ULK4: variants seen among roughly 807,000 people sequenced by gnomAD.
ULK4 encodes inactive serine/threonine-protein kinase ULK4.
Under a neutral mutation model 160.6 loss-of-function variants are expected in ULK4, and 133 were observed. That is an observed-to-expected ratio of 0.83 (90% CI 0.72 to 0.96). ULK4 has a LOEUF of 0.96. Among genes scored for constraint, ULK4 ranks in the 40% least tolerant of loss-of-function variants. The pLI, the probability that ULK4 is intolerant of heterozygous loss-of-function variation, is 0.00. For synonymous variants in ULK4, 534 were observed against 539.8 expected, an observed-to-expected ratio of 0.99 and a Z score of 0.15; for missense variants, 1,580 against 1,499.5, an observed-to-expected ratio of 1.05 and a Z score of -0.89.
chr3:41,949,329 CACACACAA>C (rs1175695108), intron 2 of ULK4, among the ~76,000 whole-genome samples: 2 of 151,916 alleles, frequency 1.3e-5, no homozygotes, highest in Non-Finnish European at 2.9e-5. Context: ...CACACACACA[CACACACAA>C]AAAGTAAAGT....
At chr3:41,261,570 T>C (rs956507133) in intron 35 of ULK4, among the ~76,000 whole-genome samples, 4 of 152,212 alleles carry the variant, frequency 2.6e-5, no homozygotes, top group Admixed American at 1.3e-4. Flanking sequence ...CTAGCCCCAC[T>C]GCCTACATGT....
At chr3:41,311,450 C>T (rs900216542) in intron 35 of ULK4, among the ~76,000 whole-genome samples, 36 of 152,190 alleles carry the variant, frequency 2.4e-4, no homozygotes, top group African/African-American at 7.2e-4. Context: ...TCCTGCCCTC[C>T]AACATCGGAC....
At chr3:41,826,087 T>C (rs926721137) in intron 18 of ULK4, among the ~76,000 whole-genome samples, 4 of 152,084 alleles carry the variant, frequency 2.6e-5, no homozygotes, top group South Asian at 4.1e-4. Context: ...AGAAATAAAA[T>C]ACTTTACAGA....
intron 35 of ULK4, among the ~76,000 whole-genome samples, chr3:41,324,752 C>A (rs767276662): frequency 3.3e-5 from 5 of 152,298 alleles, no homozygotes; most frequent in African/African-American, 1.2e-4. Context: ...GGGCCTCCAC[C>A]TGCCAGCATT....
chr3:41,325,446 T>C (rs1376475211), intron 35 of ULK4, among the ~76,000 whole-genome samples: 1 of 152,238 alleles, frequency 6.6e-6, no homozygotes, highest in Non-Finnish European at 1.5e-5. Context: ...TTCATGCTGT[T>C]ATGTGATAAA....
At chr3:41,603,272 T>C (rs2032205764) in intron 31 of ULK4, among the ~76,000 whole-genome samples, 1 of 152,054 alleles carries the variant, frequency 6.6e-6, no homozygotes, top group Non-Finnish European at 1.5e-5. Context: ...TCATTTTGAT[T>C]CCATTCACCA....
chr3:41,856,351 T>C (rs1447293528), intron 17 of ULK4, among the ~76,000 whole-genome samples: 1 of 151,404 alleles, frequency 6.6e-6, no homozygotes, highest in Non-Finnish European at 1.5e-5. Context: ...AGCTTGGGGC[T>C]ACAAAGAAGC....
chr3:41,732,676 A>C (rs1373668201), intron 22 of ULK4, among the ~76,000 whole-genome samples: 1 of 152,194 alleles, frequency 6.6e-6, no homozygotes. Context: ...TCCCATGTTT[A>C]CTGCAGCACT....
At chr3:41,807,053 A>G (rs946348679) in intron 19 of ULK4, among the ~76,000 whole-genome samples, 4 of 152,014 alleles carry the variant, frequency 2.6e-5, no homozygotes, top group Non-Finnish European at 5.9e-5. Flanking sequence ...GCTTGATCCC[A>G]GGAGGCAGAG....
chr3:41,416,560 A>C (rs998389623), intron 34 of ULK4, among the ~76,000 whole-genome samples: 2 of 152,228 alleles, frequency 1.3e-5, no homozygotes. Context: ...TTTACAACAG[A>C]AAAATGATCA....
At position 41,588,370 on chromosome 3, in the gene ULK4, T is replaced by C. The variant is rs73830278; in HGVS notation, c.3121-22240A>G. 3.4e-3 allele frequency among the ~76,000 whole-genome samples: 512 copies of C among 152,344 alleles called. 3 individuals are homozygous for C. The highest frequency in any genetic ancestry group is 0.012 in the African/African-American group (487 of 41,590). ...TTCAAAATTACATTCAATTCAAAGA[T>C]AAAACGATTATGCTTTGAATTTTCA... On this transcript the variant is annotated intron_variant, in intron 31 of 36. Transcript: ENST00000301831.
At chr3:41,449,054 A>G (rs1483284390) in intron 34 of ULK4, among the ~76,000 whole-genome samples, 1 of 151,900 alleles carries the variant, frequency 6.6e-6, no homozygotes, top group Non-Finnish European at 1.5e-5. Context: ...AGTAGTTGGG[A>G]CTACAGGCAT....
At chr3:41,260,482 G>A (rs1575364174) in intron 35 of ULK4, among the ~76,000 whole-genome samples, 1 of 152,202 alleles carries the variant, frequency 6.6e-6, no homozygotes, top group Non-Finnish European at 1.5e-5. Flanking sequence ...TTCATGCATG[G>A]CCTCCAGCTG....
chr3:41,814,844 T>C (rs2040917686), intron 19 of ULK4, among the ~76,000 whole-genome samples: 2 of 152,074 alleles, frequency 1.3e-5, no homozygotes, highest in Admixed American at 1.3e-4. Flanking sequence ...TTCATTCTCT[T>C]TCAGTCTTTC....
At chr3:41,482,838 T>G (rs1223121225) in intron 32 of ULK4, among the ~76,000 whole-genome samples, 2 of 152,316 alleles carry the variant, frequency 1.3e-5, no homozygotes, top group East Asian at 3.9e-4. Flanking sequence ...TTTAAATAGT[T>G]TATTGTGTTG....
At chr3:41,573,319 C>A (rs750921941) in intron 31 of ULK4, among the ~76,000 whole-genome samples, 18 of 146,592 alleles carry the variant, frequency 1.2e-4, no homozygotes, top group Non-Finnish European at 2.4e-4. Context: ...AAGGGCACAG[C>A]AAGGAAACAC....
intron 32 of ULK4, among the ~76,000 whole-genome samples, chr3:41,502,293 G>T (rs1189715701): frequency 6.6e-6 from 1 of 152,210 alleles, no homozygotes; most frequent in African/African-American, 2.4e-5. Flanking sequence ...CACAATGGCT[G>T]TATTAATTTA....
chr3:41,641,321 A>G (rs1424124760), intron 30 of ULK4, among the ~76,000 whole-genome samples: 3 of 152,234 alleles, frequency 2.0e-5, no homozygotes, highest in African/African-American at 7.2e-5. Flanking sequence ...AAGACTGTGC[A>G]TATTAGTAGG....
At chr3:41,442,621 A>G (rs545248736) in intron 34 of ULK4, among the ~76,000 whole-genome samples, 1 of 152,194 alleles carries the variant, frequency 6.6e-6, no homozygotes, top group Admixed American at 6.5e-5. Flanking sequence ...TATTAGAGAC[A>G]GAGTCTCTGT....
Sources: allele counts gnomAD v4.1 joint callset (sites outside exome capture counted in the v4.1 genomes callset), GRCh38; gene constraint gnomAD v4.1.1; transcripts MANE v1.5; gene names NCBI Gene and HGNC (gene_info 2026-07-23, HGNC 2026-07-21).